CFAP144: variants seen among roughly 807,000 people sequenced by gnomAD.
CFAP144 encodes the protein cilia and flagella associated protein 144.
the CFAP144 span, among the ~76,000 whole-genome samples, chr1:43,155,803 A>G: frequency 6.6e-6 from 1 of 152,146 alleles, no homozygotes; most frequent in Admixed American, 6.5e-5. Context: ...TCCTGGTAAC[A>G]TTTTCTGGAA....
At chr1:43,145,164 C>A in the CFAP144 span, 1 of 1,057,040 alleles carries the variant, frequency 9.5e-7, no homozygotes. Flanking sequence ...AGCCAGCCTG[C>A]ATGAGGTTCT....
the CFAP144 span, chr1:43,156,139 T>C: frequency 1.5e-6 from 2 of 1,378,560 alleles, no homozygotes; most frequent in East Asian, 2.3e-5. Flanking sequence ...CCAGGCCCAT[T>C]GACTCCAAAC....
the CFAP144 span, among the ~76,000 whole-genome samples, chr1:43,151,543 G>A: frequency 0.048 from 7,332 of 152,264 alleles, 574 homozygotes; most frequent in African/African-American, 0.16. Flanking sequence ...GGAGAAGATT[G>A]TGGAAGGACA....
the CFAP144 span, chr1:43,150,725 A>C: frequency 3.8e-6 from 6 of 1,566,978 alleles, no homozygotes; most frequent in Middle Eastern, 3.3e-4. Context: ...CTCATGTTTT[A>C]ATCTGAACTT....
the CFAP144 span, chr1:43,153,014 G>C: frequency 2.7e-6 from 4 of 1,507,374 alleles, no homozygotes; most frequent in Non-Finnish European, 3.6e-6. Flanking sequence ...CAGGGGGCCA[G>C]ACATGCCTGG....
At chr1:43,147,937 T>C in the CFAP144 span, 1 of 1,613,530 alleles carries the variant, frequency 6.2e-7, no homozygotes. Context: ...AGAGGGCGCG[T>C]GGCAGCCCAA....
At chr1:43,152,584 A>G in the CFAP144 span, among the ~76,000 whole-genome samples, 1 of 152,156 alleles carries the variant, frequency 6.6e-6, no homozygotes, top group African/African-American at 2.4e-5. Flanking sequence ...GAGAGCAGGG[A>G]CCATGCTGTC....
chr1:43,147,985 G>A, the CFAP144 span: 2 of 1,614,064 alleles, frequency 1.2e-6, no homozygotes, highest in Admixed American at 3.3e-5. Context: ...GGTGATTCCA[G>A]ATGAGGTCCA....
the CFAP144 span, among the ~76,000 whole-genome samples, chr1:43,151,776 G>A: frequency 2.0e-5 from 3 of 152,100 alleles, no homozygotes; most frequent in Non-Finnish European, 4.4e-5. Context: ...GGGAAGTGGG[G>A]GAGCAGAGGC....
chr1:43,151,474 C>T, the CFAP144 span, among the ~76,000 whole-genome samples: 1 of 152,060 alleles, frequency 6.6e-6, no homozygotes, highest in African/African-American at 2.4e-5. Context: ...AACAGGTGCC[C>T]CCATCAGGCA....
chr1:43,148,103 TG>T, the CFAP144 span: 1 of 1,588,138 alleles, frequency 6.3e-7, no homozygotes, highest in Non-Finnish European at 8.6e-7. Context: ...CACGGCGGGG[TG>T]GGGGAAGGGC....
the CFAP144 span, chr1:43,147,787 A>C: frequency 1.4e-6 from 2 of 1,469,082 alleles, no homozygotes; most frequent in Non-Finnish European, 1.8e-6. Flanking sequence ...GGGGCGATGC[A>C]GGCAGGGTAA....
At chr1:43,148,055 C>T in the CFAP144 span, 1 of 1,613,894 alleles carries the variant, frequency 6.2e-7, no homozygotes, top group South Asian at 1.1e-5. Context: ...AAACTCTACA[C>T]GCAGTATCAC....
the CFAP144 span, among the ~76,000 whole-genome samples, chr1:43,144,671 T>G: frequency 6.6e-6 from 1 of 152,136 alleles, no homozygotes; most frequent in African/African-American, 2.4e-5. Flanking sequence ...ACTACCCTAC[T>G]GTAAGGATCT....
the CFAP144 span, among the ~76,000 whole-genome samples, chr1:43,143,998 A>T: frequency 2.0e-5 from 3 of 152,162 alleles, no homozygotes; most frequent in South Asian, 2.1e-4. Context: ...TTAATCACAC[A>T]TATCTATCCA....
At chr1:43,143,306 A>G in the CFAP144 span, among the ~76,000 whole-genome samples, 1 of 152,220 alleles carries the variant, frequency 6.6e-6, no homozygotes, top group Non-Finnish European at 1.5e-5. Context: ...TCCAAATTAC[A>G]TTTAAAGCCA....
At chr1:43,146,586 G>A in the CFAP144 span, among the ~76,000 whole-genome samples, 1 of 152,312 alleles carries the variant, frequency 6.6e-6, no homozygotes, top group South Asian at 2.1e-4. Flanking sequence ...CACACAGAGG[G>A]AAAATACATT....
the CFAP144 span, chr1:43,150,902 T>A: frequency 8.6e-7 from 1 of 1,162,834 alleles, no homozygotes; most frequent in South Asian, 1.3e-5. Flanking sequence ...GGTCGTGATA[T>A]CTTGGAGCAA....
At chr1:43,148,768 T>G in the CFAP144 span, among the ~76,000 whole-genome samples, 1 of 152,138 alleles carries the variant, frequency 6.6e-6, no homozygotes, top group Non-Finnish European at 1.5e-5. Context: ...TCATTCACTC[T>G]CATCATCTAA....
Sources: gnomAD v4.1 joint callset for allele counts (sites outside exome capture counted in the v4.1 genomes callset) on GRCh38, gnomAD v4.1.1 for gene constraint, MANE v1.5 for transcripts, NCBI Gene and HGNC (gene_info 2026-07-23, HGNC 2026-07-21) for gene names.